CCAR2: variants seen among roughly 807,000 people sequenced by gnomAD.
CCAR2 encodes the protein cell cycle and apoptosis regulator protein 2.
A neutral mutation model predicts 108.1 loss-of-function variants in CCAR2; 21 were observed. That is an observed-to-expected ratio of 0.19 (90% CI 0.14 to 0.28). The LOEUF (loss-of-function observed/expected upper bound fraction) is 0.28, where lower values mean the gene tolerates loss of function less well. Ranked by LOEUF, CCAR2 falls within the 10% of genes least tolerant of loss-of-function variation. The pLI is 1.00. For synonymous variants in CCAR2, 577 were observed against 472.8 expected, an observed-to-expected ratio of 1.22 and a Z score of -2.86; for missense variants, 1,126 against 1,177.0, an observed-to-expected ratio of 0.96 and a Z score of 0.63.
chr8:22,619,566 G>A, intron 20 of CCAR2, 72 bp from the exon 21 acceptor site: 6 of 1,352,382 alleles, frequency 4.4e-6, no homozygotes, highest in Non-Finnish European at 5.8e-6. Flanking sequence ...CCAGCAGGAG[G>A]CAGTCCGCAG....
rs142397736 is a variant in CCAR2 at position 22,616,223 on chromosome 8, C to G, written c.1820C>G (p.Pro607Arg). The change falls in exon 14 of 21, where the codon CCG becomes CGG. Residue 607 changes from proline to arginine, a missense_variant. Around this residue, in one of 4 missense-constraint regions of CCAR2, gnomAD observed 1,013 missense variants for 993.9 expected, o/e 1.02. Coordinates refer to ENST00000308511, the MANE Select transcript of CCAR2 (RefSeq NM_001393997.1). ...AAGGATGAGGCACAGAATGAGGGCC[C>G]GGCTACAGAGTCAGAGGCCCCGCTG... Reference protein sequence around the residue: ...EPKDEAQNEGPATESEAPLKE... With the variant: ...EPKDEAQNEGRATESEAPLKE... 7 of 1,613,014 alleles carry G rather than the reference C, an allele frequency of 4.3e-6. No individual in the cohort carries two copies. In the Admixed American group the frequency reaches 1.0e-4, roughly 23 times the overall value.
Position 22,619,801 on chromosome 8 carries a change from A to G in CCAR2, c.*119A>G. On this transcript the variant is annotated 3_prime_UTR_variant, in exon 21 of 21. Coordinates refer to ENST00000308511, the MANE Select transcript of CCAR2 (RefSeq NM_001393997.1). ...CTGGGAGCCAGGGCAGGGGTGGCTGACCCCATGCTCAGCCTCTAGGGGACG... is the reference window on the plus strand; with the variant it reads ...CTGGGAGCCAGGGCAGGGGTGGCTGGCCCCATGCTCAGCCTCTAGGGGACG... 9.0e-7 allele frequency: 1 copy of G among 1,115,846 alleles called. No homozygotes were observed. Among genetic ancestry groups the G allele is most frequent in the Middle Eastern group, 2.8e-4 (1 of 3,578 alleles). 69.1% of individuals were successfully genotyped at this position (1,115,846 alleles called of 1,614,324 possible).
At position 22,606,919 on chromosome 8, in the gene CCAR2, G is replaced by A. The variant is rs764134598; in HGVS notation, c.252G>A (p.Lys84=). ...EEVFFQLSVV[K]GRLPQLGEKV... is the part of the protein sequence containing the mutation. ...GCTTGTGTGCTGACAGTGTGGTGAAGGGCCGTCTGCCCCAGCTGGGTGAGA... is the reference window on the plus strand; with the variant it reads ...GCTTGTGTGCTGACAGTGTGGTGAAAGGCCGTCTGCCCCAGCTGGGTGAGA... Residue 84 remains lysine, a synonymous_variant, in exon 5 of 21, where the codon AAG becomes AAA. Coordinates refer to ENST00000308511, the MANE Select transcript of CCAR2 (RefSeq NM_001393997.1). 16 of 1,613,970 alleles carry A rather than the reference G, an allele frequency of 9.9e-6. No homozygotes were observed. The Admixed American group carries it at 2.7e-4, about 27-fold the overall frequency.
intron 11 of CCAR2, 33 bp from the exon 12 acceptor site, chr8:22,615,392 A>ATGTCACT: frequency 1.2e-6 from 2 of 1,602,430 alleles, no homozygotes; most frequent in Non-Finnish European, 1.7e-6. Flanking sequence ...AGTTGTCACT[A>ATGTCACT]AAGAAGTTAG....
At position 22,614,086 on chromosome 8, in the gene CCAR2, C is replaced by A; in HGVS notation, c.705-6C>A. The A allele has an allele frequency of 1.2e-6, 2 of 1,612,504 alleles. No individual in the cohort carries two copies. The highest frequency in any genetic ancestry group is 1.7e-6 in the Non-Finnish European group (2 of 1,179,100). On this transcript the variant is annotated splice_region_variant and splice_polypyrimidine_tract_variant and intron_variant, in intron 8 of 20. Transcript: ENST00000308511. ...CAGTCTGGATTCCCTTGCTGTCTTC[C>A]TGTAGCCCCATCTGTGACTTCCTAG...
downstream of CCAR2, chr8:22,621,451 G>A (rs745336812): frequency 2.3e-5 from 37 of 1,613,526 alleles, no homozygotes; most frequent in Admixed American, 6.0e-4. Context: ...GAGAGGGCCC[G>A]GAGCTCACTG....
chr8:22,619,828 C>A lies in CCAR2; in HGVS notation c.*146C>A. 1.3e-6 allele frequency: 1 copy of A among 788,824 alleles called. No homozygotes were observed. Among genetic ancestry groups the A allele is most frequent in the Admixed American group, 2.2e-5 (1 of 46,446 alleles). The allele number at this position is 788,824 out of a possible 1,614,324, so 48.9% of individuals were successfully genotyped here. A position where few individuals can be genotyped will look rare whatever the true frequency, so the allele number is the denominator to read the frequency against. On this transcript the variant is annotated 3_prime_UTR_variant, in exon 21 of 21. Transcript: ENST00000308511. ...CCCATGCTCAGCCTCTAGGGGACGG[C>A]AGGCCATCAGGCTGGGGGCTGTGCT...
rs36086286 is a variant in CCAR2, at chr8:22,616,866, CTT to C, written c.1846-525_1846-524del. On this transcript the variant is annotated intron_variant, in intron 14 of 20. Coordinates refer to ENST00000308511, the MANE Select transcript of CCAR2 (RefSeq NM_001393997.1). ...AAACCTTTTCTAAAATACTAGTCTG[CTT>C]TTTTTTTTTTTTTTTTTTTTTTTTT... is the stretch of plus-strand genomic sequence containing the variant. Among the ~76,000 whole-genome samples, 466 of 54,626 alleles carry C rather than the reference CTT, an allele frequency of 8.5e-3. 5 individuals carry two copies. Among genetic ancestry groups the C allele is most frequent in the Non-Finnish European group, 0.013 (363 of 27,582 alleles). The allele number at this position is 54,626 out of a possible 152,430, so 35.8% of individuals were successfully genotyped here.
chr8:22,615,416 C>T lies in CCAR2; in HGVS notation c.1206-9C>T. On this transcript the variant is annotated splice_polypyrimidine_tract_variant and intron_variant, in intron 11 of 20. Transcript: ENST00000308511. Reference sequence around the variant, plus strand: ...TAAAGAAGTTAGTACCTCCTTTTGCCATGTGCAGGTGGCGCTTTGCCGAGT... The same window carrying T: ...TAAAGAAGTTAGTACCTCCTTTTGCTATGTGCAGGTGGCGCTTTGCCGAGT... The T allele has an allele frequency of 1.9e-6, 3 of 1,611,782 alleles. No homozygotes were observed. Among genetic ancestry groups the T allele is most frequent in the Non-Finnish European group, 2.5e-6 (3 of 1,178,800 alleles).
At chr8:22,613,753 T>G (rs540155563) in intron 8 of CCAR2, 97 of 256,740 alleles carry the variant, frequency 3.8e-4, no homozygotes, top group African/African-American at 2.1e-3. Context: ...GGCCTCTAAT[T>G]CTTATGTATT....
chr8:22,611,194 C>G (rs1034040476), intron 7 of CCAR2, among the ~76,000 whole-genome samples: 3 of 151,776 alleles, frequency 2.0e-5, no homozygotes, highest in African/African-American at 7.2e-5. Context: ...AACCCTGACT[C>G]TACTAAAAAT....
At position 22,606,807 on chromosome 8, in the gene CCAR2, C is replaced by T. The variant is rs2291233; in HGVS notation, c.243-103C>T. 3,333 of 1,481,754 alleles carry T rather than the reference C, an allele frequency of 2.2e-3. 112 individuals are homozygous for T. In the East Asian group the frequency reaches 0.067, roughly 30 times the overall value. 91.8% of individuals were successfully genotyped at this position (1,481,754 alleles called of 1,614,324 possible). On this transcript the variant is annotated intron_variant, in intron 4 of 20. Coordinates refer to ENST00000308511, the MANE Select transcript of CCAR2 (RefSeq NM_001393997.1). ...AAGCCATTGCTTTGCTGTTTTTGTG[C>T]AAGGTGTGGGAAATCTTGATGGGAA... is the stretch of plus-strand genomic sequence containing the variant.
Position 22,618,996 on chromosome 8 carries a change from C to T in CCAR2, c.2502C>T (p.His834=). 2 of 1,613,304 alleles carry T rather than the reference C, an allele frequency of 1.2e-6. No individual in the cohort carries two copies. The highest frequency in any genetic ancestry group is 2.2e-5 in the East Asian group (1 of 44,886). ...SGRLYLENKI[H]TLELKLEESH... is the part of the protein sequence containing the mutation. Reference sequence around the variant, plus strand: ...GGCTCTACCTAGAGAACAAGATCCACACACTGGAGCTGAAGCTGGGTGAGG... The same window carrying T: ...GGCTCTACCTAGAGAACAAGATCCATACACTGGAGCTGAAGCTGGGTGAGG... Residue 834 remains histidine, a synonymous_variant, in exon 19 of 21, where the codon CAC becomes CAT. Transcript: ENST00000308511.
rs200620994 is a variant in CCAR2 at position 22,620,313 on chromosome 8, A to T, written c.*631A>T. 1 of 152,778 alleles carries T rather than the reference A, an allele frequency of 6.5e-6. No individual in the cohort carries two copies. The highest frequency in any genetic ancestry group is 1.5e-5 in the Non-Finnish European group (1 of 68,190). The allele number at this position is 152,778 out of a possible 1,614,324, so 9.5% of individuals were successfully genotyped here. On this transcript the variant is annotated 3_prime_UTR_variant, in exon 21 of 21. Coordinates refer to ENST00000308511, the MANE Select transcript of CCAR2 (RefSeq NM_001393997.1). ...CCTCTTTCCCGTGGCTCCTGTGTTC[A>T]GAATGTGGTATTGGCTCTGGCCCAG...
chr8:22,608,891 G>C (rs1320345453), intron 7 of CCAR2, among the ~76,000 whole-genome samples: 1 of 152,152 alleles, frequency 6.6e-6, no homozygotes, highest in Non-Finnish European at 1.5e-5. Context: ...TCAAGTATCA[G>C]CTACCATTCT....
chr8:22,606,454 G>A, intron 3 of CCAR2, 153 bp from the exon 4 acceptor site: 1 of 664,640 alleles, frequency 1.5e-6, no homozygotes, highest in Non-Finnish European at 2.7e-6. Context: ...CCCTAATGAT[G>A]GAGTATGCCC....
intron 4 of CCAR2, 80 bp from the exon 5 acceptor site, chr8:22,606,830 G>A: frequency 6.6e-7 from 1 of 1,515,806 alleles, no homozygotes; most frequent in East Asian, 2.3e-5. Flanking sequence ...ATCTTGATGG[G>A]AAAGGCCTCA....
At chr8:22,620,464 AAAAC>A (rs1585171284) in exon 21 of CCAR2, 3 of 145,748 alleles carry the variant, frequency 2.1e-5, no homozygotes, top group Admixed American at 1.4e-4. Flanking sequence ...ACCAAAGTCA[AAAAC>A]AAACTGAGAG....
At chr8:22,617,354 A>ATGCT (rs1168444461) in intron 14 of CCAR2, 66 bp from the exon 15 acceptor site, 3 of 1,507,956 alleles carry the variant, frequency 2.0e-6, no homozygotes, top group Non-Finnish European at 2.7e-6. Context: ...GGTGTCAGCC[A>ATGCT]TGCTTACTAT....
Sources: allele counts gnomAD v4.1 joint callset (sites outside exome capture counted in the v4.1 genomes callset), GRCh38; gene constraint gnomAD v4.1.1; regional missense constraint gnomAD v4.1.1; transcripts MANE v1.5; gene names NCBI Gene and HGNC (gene_info 2026-07-23, HGNC 2026-07-21).